Variants in CNIH3 observed in about 807,000 individuals in gnomAD.
CNIH3 encodes the protein cornichon family AMPA receptor auxiliary protein 3.
A neutral mutation model predicts 24.1 loss-of-function variants in CNIH3; 14 were observed. The ratio of observed to expected loss-of-function variants is 0.58; its 90% CI spans 0.38 to 0.91. The LOEUF is 0.91. CNIH3 is among the 40% of genes least tolerant of loss of function. The pLI is 0.00. For missense variants in CNIH3, 178 were observed against 196.8 expected (o/e 0.90, Z 0.57); for synonymous variants, 68 against 73.8 (o/e 0.92, Z 0.40).
intron 1 of CNIH3, among the ~76,000 whole-genome samples, chr1:224,485,459 C>T (rs769739342): frequency 2.0e-5 from 3 of 152,072 alleles, no homozygotes; most frequent in African/African-American, 7.2e-5. Flanking sequence ...TTTTCCCACA[C>T]CTTCTTTCCT....
intron 3 of CNIH3, among the ~76,000 whole-genome samples, chr1:224,706,338 A>G (rs1687807943): frequency 6.6e-6 from 1 of 152,262 alleles, no homozygotes; most frequent in South Asian, 2.1e-4. Flanking sequence ...CAGTAAGAAC[A>G]TGTCAACCTT....
At chr1:224,627,296 G>T (rs1420257746) in intron 1 of CNIH3, among the ~76,000 whole-genome samples, 4 of 151,850 alleles carry the variant, frequency 2.6e-5, no homozygotes, top group African/African-American at 9.7e-5. Flanking sequence ...ATGTGATCTC[G>T]GCTCACTGCA....
chr1:224,664,349 C>T (rs1047197513), intron 1 of CNIH3, among the ~76,000 whole-genome samples: 1 of 152,162 alleles, frequency 6.6e-6, no homozygotes, highest in Non-Finnish European at 1.5e-5. Context: ...AAAAAACCAT[C>T]AGCATAAGTT....
chr1:224,672,719 C>T (rs779267918), intron 1 of CNIH3, among the ~76,000 whole-genome samples: 2 of 152,194 alleles, frequency 1.3e-5, no homozygotes, highest in Non-Finnish European at 2.9e-5. Flanking sequence ...AATAAGGTCA[C>T]ATTCTGAGGT....
chr1:224,446,314 A>G (rs1419633740), intron 1 of CNIH3, among the ~76,000 whole-genome samples: 2 of 151,346 alleles, frequency 1.3e-5, no homozygotes, highest in Non-Finnish European at 2.9e-5. Flanking sequence ...AATTTGTCAA[A>G]TTTTGATTGG....
intron 3 of CNIH3, among the ~76,000 whole-genome samples, chr1:224,691,841 C>T: frequency 6.6e-6 from 1 of 152,182 alleles, no homozygotes; most frequent in East Asian, 1.9e-4. Context: ...TGATCTTATT[C>T]TTTGCCAGAG....
exon 6 of CNIH3, chr1:224,588,391 A>T (rs562052438): frequency 3.3e-5 from 5 of 152,116 alleles, no homozygotes; most frequent in Admixed American, 3.3e-4. Flanking sequence ...ATACGGCAGG[A>T]GTGTGAGATC....
intron 1 of CNIH3, among the ~76,000 whole-genome samples, chr1:224,481,969 A>C (rs886941695): frequency 9.3e-5 from 14 of 150,954 alleles, no homozygotes; most frequent in African/African-American, 3.4e-4. Context: ...AGTCTTTTCC[A>C]CTCTTCCCTC....
At chr1:224,641,813 G>A (rs1452783117) in intron 1 of CNIH3, among the ~76,000 whole-genome samples, 7 of 152,168 alleles carry the variant, frequency 4.6e-5, no homozygotes, top group Non-Finnish European at 1.0e-4. Flanking sequence ...CTAGGATCGG[G>A]ATAATGGCTT....
chr1:224,585,370 G>A (rs1032851089), intron 5 of CNIH3, among the ~76,000 whole-genome samples: 7 of 152,238 alleles, frequency 4.6e-5, no homozygotes, highest in South Asian at 4.1e-4. Context: ...CTAAAGATGC[G>A]TAGGACATAG....
intron 1 of CNIH3, among the ~76,000 whole-genome samples, chr1:224,485,552 G>A (rs2124832101): frequency 6.6e-6 from 1 of 152,176 alleles, no homozygotes; most frequent in East Asian, 1.9e-4. Flanking sequence ...GAGTGCAGTG[G>A]CGTGATCATT....
downstream of CNIH3, chr1:224,537,449 T>G (rs1679330728): frequency 6.6e-6 from 1 of 152,278 alleles, no homozygotes; most frequent in Non-Finnish European, 1.5e-5. Context: ...CTGCAACCAT[T>G]TGTCTCTTAC....
chr1:224,690,369 T>G (rs531195629), intron 3 of CNIH3, among the ~76,000 whole-genome samples: 2 of 151,990 alleles, frequency 1.3e-5, no homozygotes, highest in Admixed American at 1.3e-4. Context: ...CCTGGCTAAT[T>G]TTTGTATTTT....
intron 2 of CNIH3, among the ~76,000 whole-genome samples, chr1:224,532,715 T>TA (rs2124933315): frequency 6.6e-6 from 1 of 152,304 alleles, no homozygotes; most frequent in East Asian, 1.9e-4. Context: ...ATCTAGGAGA[T>TA]AAAACTAAAT....
intron 1 of CNIH3, among the ~76,000 whole-genome samples, chr1:224,618,165 CTG>C (rs1234022485): frequency 6.6e-6 from 1 of 152,248 alleles, no homozygotes; most frequent in African/African-American, 2.4e-5. Context: ...CTCTCAAAGA[CTG>C]TGCAACATTT....
intron 3 of CNIH3, among the ~76,000 whole-genome samples, chr1:224,713,241 T>C (rs1688254000): frequency 6.6e-6 from 1 of 152,186 alleles, no homozygotes; most frequent in Admixed American, 6.5e-5. Context: ...CCAGAAAGTG[T>C]CTTTGTTTTA....
intron 3 of CNIH3, among the ~76,000 whole-genome samples, chr1:224,711,556 AGGCTGAGGTGGGT>A (rs528937932): frequency 5.3e-4 from 80 of 152,080 alleles, no homozygotes; most frequent in African/African-American, 1.9e-3. Context: ...GCACTTTGGG[AGGCTGAGGTGGGT>A]GGATTGCTTG....
intron 1 of CNIH3, among the ~76,000 whole-genome samples, chr1:224,672,630 C>T (rs1218267455): frequency 6.6e-6 from 1 of 152,154 alleles, no homozygotes; most frequent in Non-Finnish European, 1.5e-5. Flanking sequence ...TTCACATGGC[C>T]TTCACTGTGT....
At position 224,739,430 on chromosome 1, in the gene CNIH3, A is replaced by T; in HGVS notation, c.*74A>T. On this transcript the variant is annotated 3_prime_UTR_variant, in exon 6 of 6. Transcript: ENST00000272133. Reference sequence around the variant, plus strand: ...ACGGAGAGGTGCATTTCTGCTGGTGACTGGAGGAGGGACCAGAATGAGGAT... The same window carrying T: ...ACGGAGAGGTGCATTTCTGCTGGTGTCTGGAGGAGGGACCAGAATGAGGAT... 1 of 1,578,806 alleles carries T rather than the reference A, an allele frequency of 6.3e-7. No homozygotes were observed.
Sources: allele counts gnomAD v4.1 joint callset (sites outside exome capture counted in the v4.1 genomes callset), GRCh38; gene constraint gnomAD v4.1.1; transcripts MANE v1.5; gene names NCBI Gene and HGNC (gene_info 2026-07-23, HGNC 2026-07-21).